The following MEIKIN variants were observed in gnomAD, a reference collection of about 807,000 sequenced individuals.
MEIKIN encodes meiosis-specific kinetochore protein.
chr5:131,816,213 G>A (rs1030503922), intron 12 of MEIKIN, among the ~76,000 whole-genome samples: 15 of 152,172 alleles, frequency 9.9e-5, no homozygotes, highest in African/African-American at 3.6e-4. Context: ...AGATGCAAAT[G>A]GATGCATAGT....
chr5:131,920,223 T>C (rs1751482387), intron 6 of MEIKIN, among the ~76,000 whole-genome samples: 1 of 152,090 alleles, frequency 6.6e-6, no homozygotes, highest in Admixed American at 6.6e-5. Flanking sequence ...TTTCAAACCA[T>C]AGAATAAATA....
intron 9 of MEIKIN, among the ~76,000 whole-genome samples, chr5:131,857,250 T>A (rs993616682): frequency 1.3e-5 from 2 of 152,204 alleles, no homozygotes; most frequent in African/African-American, 4.8e-5. Flanking sequence ...TGTCCTATTA[T>A]TTCAACTTGA....
intron 11 of MEIKIN, among the ~76,000 whole-genome samples, chr5:131,823,199 A>G (rs192240823): frequency 5.5e-4 from 83 of 152,156 alleles, no homozygotes; most frequent in Middle Eastern, 3.4e-3. Context: ...GGTGCTCTAC[A>G]AACTTCTTGT....
At chr5:131,860,393 T>C (rs891410198) in intron 9 of MEIKIN, among the ~76,000 whole-genome samples, 5 of 151,918 alleles carry the variant, frequency 3.3e-5, no homozygotes, top group African/African-American at 1.2e-4. Flanking sequence ...GATTTTTGCT[T>C]GTTTGCATCC....
At chr5:131,818,694 G>A (rs1023930089) in intron 12 of MEIKIN, 46 bp downstream of exon 12, 1 of 393,858 alleles carries the variant, frequency 2.5e-6, no homozygotes, top group African/African-American at 2.1e-5. Context: ...TGAAAAAAAT[G>A]TTTTATATCA....
chr5:131,918,563 A>G (rs1223988782), intron 6 of MEIKIN, among the ~76,000 whole-genome samples: 1 of 152,214 alleles, frequency 6.6e-6, no homozygotes, highest in African/African-American at 2.4e-5. Context: ...ACCCTTTCTT[A>G]GTGGCAGGCT....
chr5:131,813,808 G>C (rs562340903), intron 12 of MEIKIN, among the ~76,000 whole-genome samples: 9 of 152,122 alleles, frequency 5.9e-5, no homozygotes, highest in Middle Eastern at 3.4e-3. Flanking sequence ...TATTAGTCAG[G>C]GTTCTCTGAA....
chr5:131,812,570 C>G (rs1773016062), intron 12 of MEIKIN, among the ~76,000 whole-genome samples: 1 of 152,192 alleles, frequency 6.6e-6, no homozygotes, highest in African/African-American at 2.4e-5. Context: ...AATGCCTAGT[C>G]AGCTTTTTTG....
At chr5:131,813,985 C>A (rs1279897859) in intron 12 of MEIKIN, among the ~76,000 whole-genome samples, 1 of 152,116 alleles carries the variant, frequency 6.6e-6, no homozygotes, top group African/African-American at 2.4e-5. Flanking sequence ...GGGCAGGAAG[C>A]ATCCAGCATC....
intron 9 of MEIKIN, among the ~76,000 whole-genome samples, chr5:131,876,194 C>A (rs1316223632): frequency 6.6e-6 from 1 of 152,248 alleles, no homozygotes; most frequent in African/African-American, 2.4e-5. Flanking sequence ...AAACTACCAT[C>A]AGAGTGACCA....
intron 11 of MEIKIN, among the ~76,000 whole-genome samples, chr5:131,847,361 CCAT>C (rs1463252843): frequency 6.6e-6 from 1 of 151,926 alleles, no homozygotes; most frequent in East Asian, 1.9e-4. Flanking sequence ...AAAAGCTACT[CCAT>C]GTAAATAGTA....
chr5:131,919,500 T>C lies in MEIKIN; in HGVS notation c.598+2322A>G, dbSNP rs117292235. Among the ~76,000 whole-genome samples, 90 of 152,262 alleles carry C rather than the reference T, an allele frequency of 5.9e-4. No individual in the cohort carries two copies. The East Asian group carries it at 0.013, about 22-fold the overall frequency. On this transcript the variant is annotated intron_variant, in intron 6 of 12. Coordinates refer to ENST00000442687, the MANE Select transcript of MEIKIN (RefSeq NM_001303622.2). Reference sequence around the variant, plus strand: ...CTAAATACCCAATTTATAGGTATTTTTGAATCAACAAAAGTACATCCACAG... The same window carrying C: ...CTAAATACCCAATTTATAGGTATTTCTGAATCAACAAAAGTACATCCACAG...
At chr5:131,842,197 C>T (rs1345957195) in intron 11 of MEIKIN, among the ~76,000 whole-genome samples, 4 of 152,102 alleles carry the variant, frequency 2.6e-5, no homozygotes, top group Non-Finnish European at 5.9e-5. Context: ...AATCTCTTGA[C>T]CTCGTGATCT....
intron 11 of MEIKIN, among the ~76,000 whole-genome samples, chr5:131,832,011 G>C (rs1156287636): frequency 6.6e-6 from 1 of 151,742 alleles, no homozygotes; most frequent in Non-Finnish European, 1.5e-5. Context: ...TCCACCCCTG[G>C]CCCCTCCAAA....
chr5:131,936,513 T>G (rs1234440075), intron 4 of MEIKIN, among the ~76,000 whole-genome samples: 1 of 152,244 alleles, frequency 6.6e-6, no homozygotes, highest in Non-Finnish European at 1.5e-5. Context: ...TTCTTTTCCT[T>G]TGAGCTATTT....
intron 8 of MEIKIN, among the ~76,000 whole-genome samples, chr5:131,888,899 G>A (rs927079659): frequency 6.6e-6 from 1 of 152,150 alleles, no homozygotes. Context: ...AAGGTGTAAG[G>A]AAGGGATCCA....
intron 12 of MEIKIN, among the ~76,000 whole-genome samples, chr5:131,814,336 G>A (rs1220414964): frequency 6.6e-6 from 1 of 150,992 alleles, no homozygotes; most frequent in African/African-American, 2.4e-5. Flanking sequence ...CAGTGCAGTG[G>A]CGTGATTACA....
intron 5 of MEIKIN, among the ~76,000 whole-genome samples, chr5:131,925,110 T>C (rs1751566633): frequency 6.6e-6 from 1 of 152,208 alleles, no homozygotes; most frequent in Non-Finnish European, 1.5e-5. Context: ...CACTCCATCC[T>C]GTCAAAGATA....
At chr5:131,891,448 A>G (rs1381674793) in intron 8 of MEIKIN, among the ~76,000 whole-genome samples, 1 of 152,156 alleles carries the variant, frequency 6.6e-6, no homozygotes, top group Admixed American at 6.5e-5. Flanking sequence ...TTCTTGTTGA[A>G]TTGATCTCTT....
Sources: allele counts gnomAD v4.1 joint callset (sites outside exome capture counted in the v4.1 genomes callset), GRCh38; gene constraint gnomAD v4.1.1; transcripts MANE v1.5; gene names NCBI Gene and HGNC (gene_info 2026-07-23, HGNC 2026-07-21).